Variants in IL20RA observed in about 807,000 individuals in gnomAD.
IL20RA encodes interleukin-20 receptor subunit alpha.
IL20RA carries 29 observed loss-of-function variants against 36.5 expected under a neutral mutation model. The observed-to-expected ratio is 0.79, with a 90% confidence interval of 0.59 to 1.08. The LOEUF (loss-of-function observed/expected upper bound fraction) is 1.08. Ranked by LOEUF, IL20RA falls within the 50% of genes least tolerant of loss-of-function variation. IL20RA has a pLI of 0.00. For missense variants in IL20RA, 652 were observed against 668.4 expected, an observed-to-expected ratio of 0.98 and a Z score of 0.27; for synonymous variants, 279 against 267.1, an observed-to-expected ratio of 1.04 and a Z score of -0.43.
chr6:137,002,700 T>A (rs896650463), intron 6 of IL20RA, among the ~76,000 whole-genome samples: 3 of 152,230 alleles, frequency 2.0e-5, no homozygotes, highest in Non-Finnish European at 4.4e-5. Flanking sequence ...CTCAGCCACA[T>A]GAAGAGTAGC....
Position 137,004,615 on chromosome 6 carries a change from A to G in IL20RA, c.864+6T>C. The G allele has an allele frequency of 6.2e-7, 1 of 1,613,516 alleles. No homozygotes were observed. Among genetic ancestry groups the G allele is most frequent in the Non-Finnish European group, 8.5e-7 (1 of 1,179,574 alleles). ...AATAAAGAACCCTGCCACACCAAGT[A>G]CTCACCAAATTTGCTGGGTGTTTCT... On this transcript the variant is annotated splice_donor_region_variant and intron_variant, in intron 6 of 6. Transcript: ENST00000316649.
chr6:137,025,930 T>A (rs1776070046), intron 1 of IL20RA, among the ~76,000 whole-genome samples: 1 of 152,228 alleles, frequency 6.6e-6, no homozygotes, highest in African/African-American at 2.4e-5. Context: ...ACAGCCAGGG[T>A]AATCAGCCTC....
chr6:137,044,090 A>G (rs964287189), intron 1 of IL20RA: 1 of 985,226 alleles, frequency 1.0e-6, no homozygotes, highest in Non-Finnish European at 1.2e-6. Flanking sequence ...GGGGGAGCTT[A>G]CTTTAAGAAG....
In IL20RA at chr6:137,001,838, G is replaced by A. The variant is rs1390730175; in HGVS notation, c.1382C>T (p.Ala461Val). ...CTCCTCCGAGTCTGTGTGCTCCTGC[G>A]CCAGGGGGTCTAAGTCTTGGAGCTG... ...TPQLQDLDPL[A>V]QEHTDSEEGP... is the part of the protein sequence containing the mutation. The change falls in exon 7 of 7, where the codon GCG (alanine) becomes GTG (valine). Residue 461 changes from alanine to valine, a missense_variant. Coordinates refer to ENST00000316649, the MANE Select transcript of IL20RA (RefSeq NM_014432.4). The A allele has an allele frequency of 7.4e-6, 12 of 1,613,444 alleles. No individual in the cohort carries two copies. The highest frequency in any genetic ancestry group is 1.7e-4 in the Middle Eastern group (1 of 6,052).
In IL20RA at chr6:137,002,113, A is replaced by T. The variant is rs1184470987; in HGVS notation, c.1107T>A (p.Ile369=). Residue 369 remains isoleucine (I), a synonymous_variant, in exon 7 of 7, where the codon ATT becomes ATA. Transcript: ENST00000316649. ...HLGYASHLME[I]FCDSEENTEG... ...CCGTGTTTTCTTCAGAGTCACAAAAAATTTCCATCAAATGCGAAGCATACC... is the reference window on the plus strand; with the variant it reads ...CCGTGTTTTCTTCAGAGTCACAAAATATTTCCATCAAATGCGAAGCATACC... The T allele has an allele frequency of 1.9e-6, 3 of 1,614,148 alleles. No individual in the cohort carries two copies. Among genetic ancestry groups the T allele is most frequent in the Non-Finnish European group, 2.5e-6 (3 of 1,180,028 alleles).
intron 1 of IL20RA, among the ~76,000 whole-genome samples, chr6:137,030,228 A>G (rs1179626841): frequency 1.3e-5 from 2 of 151,718 alleles, no homozygotes; most frequent in Non-Finnish European, 2.9e-5. Context: ...ACACAGATGC[A>G]TGCCACCATG....
chr6:137,006,407 C>A lies in IL20RA; in HGVS notation c.725-1647G>T, dbSNP rs539995826. On this transcript the variant is annotated intron_variant, in intron 5 of 6. Coordinates refer to ENST00000316649, the MANE Select transcript of IL20RA (RefSeq NM_014432.4). ...GCTTGTAGCCTATAACTCAGTCCAA[C>A]CCTCTTAATACAATCCCTGGTCCCT... 6.6e-4 allele frequency among the ~76,000 whole-genome samples: 100 copies of A among 152,308 alleles called. 3 individuals are homozygous for A. In the South Asian group the frequency reaches 0.02, roughly 30 times the overall value.
chr6:137,044,066 G>A (rs937736679), intron 1 of IL20RA: 1 of 974,646 alleles, frequency 1.0e-6, no homozygotes, highest in Non-Finnish European at 1.2e-6. Context: ...GGAAACAACG[G>A]CGTACCCAGG....
At chr6:137,041,303 G>A (rs1776684442) in intron 1 of IL20RA, among the ~76,000 whole-genome samples, 2 of 152,120 alleles carry the variant, frequency 1.3e-5, no homozygotes, top group Admixed American at 6.5e-5. Flanking sequence ...TGGAAAAATG[G>A]GTGATACTCC....
chr6:137,026,521 C>T (rs1776094801), intron 1 of IL20RA, among the ~76,000 whole-genome samples: 1 of 152,182 alleles, frequency 6.6e-6, no homozygotes, highest in African/African-American at 2.4e-5. Flanking sequence ...GTGGTTGCTA[C>T]ATATTTTATG....
At chr6:137,032,188 C>T (rs1185457074) in intron 1 of IL20RA, among the ~76,000 whole-genome samples, 1 of 151,886 alleles carries the variant, frequency 6.6e-6, no homozygotes, top group Non-Finnish European at 1.5e-5. Flanking sequence ...TGTGGGGAGA[C>T]TCCTGGGGGA....
chr6:137,031,454 T>C (rs1776279358), intron 1 of IL20RA, among the ~76,000 whole-genome samples: 1 of 152,216 alleles, frequency 6.6e-6, no homozygotes, highest in Non-Finnish European at 1.5e-5. Flanking sequence ...AAGATGTGTA[T>C]CTATTTTTAG....
At chr6:137,033,238 C>T (rs1245794220) in intron 1 of IL20RA, among the ~76,000 whole-genome samples, 1 of 152,212 alleles carries the variant, frequency 6.6e-6, no homozygotes, top group Non-Finnish European at 1.5e-5. Flanking sequence ...TCACTCCAGT[C>T]TCTGCTCACC....
chr6:137,002,323 TC>T lies in IL20RA; in HGVS notation c.896del (p.Arg299AsnfsTer10). On this transcript the variant is annotated frameshift_variant, in exon 7 of 7. Coordinates refer to ENST00000316649, the MANE Select transcript of IL20RA (RefSeq NM_014432.4). LOFTEE classifies it low-confidence loss of function (END_TRUNC). The stretch of plus-strand genomic sequence containing the variant: ...CGATTTTTTCAGCAGGCACAAAGAA[TC>T]TTTTGTCAAATTCATTTCCATAAAT... Reference protein sequence around the residue: ...ILIYGNEFDKRFFVPAEKIVI... With the variant: ...ILIYGNEFDKXFFVPAEKIVI... The T allele has an allele frequency of 6.2e-7, 1 of 1,601,522 alleles. No individual in the cohort carries two copies. The highest frequency in any genetic ancestry group is 1.1e-5 in the South Asian group (1 of 88,222).
intron 1 of IL20RA, among the ~76,000 whole-genome samples, chr6:137,022,103 G>A (rs1289834703): frequency 1.3e-5 from 2 of 152,170 alleles, no homozygotes; most frequent in African/African-American, 2.4e-5. Context: ...AGAAAAGGCT[G>A]ATGAGAAAAC....
intron 1 of IL20RA, among the ~76,000 whole-genome samples, chr6:137,032,400 C>A (rs974528184): frequency 1.3e-5 from 2 of 152,174 alleles, no homozygotes; most frequent in Non-Finnish European, 2.9e-5. Context: ...AATCATGGAA[C>A]CCTACTCCTT....
intron 1 of IL20RA, among the ~76,000 whole-genome samples, chr6:137,037,024 A>G (rs200147677): frequency 6.6e-6 from 1 of 152,252 alleles, no homozygotes; most frequent in East Asian, 1.9e-4. Context: ...CTAGGAGCAC[A>G]TAGCTGCCAA....
intron 1 of IL20RA, among the ~76,000 whole-genome samples, chr6:137,029,325 T>C (rs1776195114): frequency 6.6e-6 from 1 of 152,008 alleles, no homozygotes; most frequent in Admixed American, 6.6e-5. Context: ...CTGACCAATA[T>C]GGTGAAACTC....
rs997128400 is a variant in IL20RA, at chr6:137,000,345, A to G, written c.*1213T>C. 2 of 152,214 alleles carry G rather than the reference A, an allele frequency of 1.3e-5. No homozygotes were observed. The highest frequency in any genetic ancestry group is 2.9e-5 in the Non-Finnish European group (2 of 68,038). The allele number at this position is 152,214 out of a possible 1,614,324, so 9.4% of individuals were successfully genotyped here. On this transcript the variant is annotated 3_prime_UTR_variant, in exon 7 of 7. Coordinates refer to ENST00000316649, the MANE Select transcript of IL20RA (RefSeq NM_014432.4). ...ATATATATTAAGGCAAACCATATGA[A>G]GTTACTGCTTGTCAGATTAAAAACA... is the stretch of plus-strand genomic sequence containing the variant.
Sources: gnomAD v4.1 joint callset for allele counts (sites outside exome capture counted in the v4.1 genomes callset) on GRCh38, gnomAD v4.1.1 for gene constraint, MANE v1.5 for transcripts, NCBI Gene and HGNC (gene_info 2026-07-23, HGNC 2026-07-21) for gene names.